Variants in DLG5 observed in about 807,000 individuals in gnomAD.
DLG5 encodes the protein disks large homolog 5.
In DLG5, 48 loss-of-function variants were observed where a neutral mutation model predicts 189.8. The observed-to-expected ratio is 0.25, with a 90% confidence interval of 0.20 to 0.32. The LOEUF (loss-of-function observed/expected upper bound fraction) is 0.32, where lower values mean the gene tolerates loss of function less well. DLG5 is among the 10% of genes least tolerant of loss of function. DLG5 has a pLI of 1.00. For missense variants in DLG5, 2,160 were observed against 2,544.7 expected, an observed-to-expected ratio of 0.85 and a Z score of 3.25; for synonymous variants, 1,016 against 1,054.1, an observed-to-expected ratio of 0.96 and a Z score of 0.70.
Position 77,842,044 on chromosome 10 carries a change from C to T in DLG5, c.1274G>A (p.Arg425Gln), listed in dbSNP as rs752348250. 2 of 1,614,100 alleles carry T rather than the reference C, an allele frequency of 1.2e-6. No individual in the cohort carries two copies. The highest frequency in any genetic ancestry group is 1.7e-6 in the Non-Finnish European group (2 of 1,180,054). Residue 425 changes from arginine to glutamine, a missense_variant, in exon 7 of 32, where the codon CGG (arginine) becomes CAG (glutamine). Physicochemically the swap from Arg to Gln is conservative, Grantham distance 43. This residue lies in a region of DLG5 where 664 missense variants were observed against 838.5 expected (regional missense o/e 0.79). Coordinates refer to ENST00000372391, the MANE Select transcript of DLG5 (RefSeq NM_004747.4). ...AKESEKYREE[R>Q]DAVYSEYKLI... ...CTTGTACTCGCTGTACACAGCGTCC[C>T]GCTCCTCCCTGTATTTCTCCGACTC...
In DLG5 at chr10:77,794,860, G is replaced by T. The variant is rs748596976; in HGVS notation, c.5535C>A (p.Ala1845=). The T allele has an allele frequency of 2.5e-6, 4 of 1,613,970 alleles. No homozygotes were observed. The East Asian group carries it at 8.9e-5, about 36-fold the overall frequency. Residue 1845 remains alanine (A), a synonymous_variant, in exon 30 of 32, where the codon GCC becomes GCA. Coordinates refer to ENST00000372391, the MANE Select transcript of DLG5 (RefSeq NM_004747.4). ...PIVIFIHYKS[A]KHIKEQRDPI... ...GGCCAGTTACCTACTTGATGTGCTT[G>T]GCGCTCTTGTAGTGGATGAAGATGA...
Position 77,821,922 on chromosome 10 carries a change from G to A in DLG5, c.2562C>T (p.Asp854=). 1.9e-6 allele frequency: 3 copies of A among 1,614,236 alleles called. No individual in the cohort carries two copies. Among genetic ancestry groups the A allele is most frequent in the Non-Finnish European group, 2.5e-6 (3 of 1,180,040 alleles). The change falls in exon 15 of 32, where the codon GAC becomes GAT. Residue 854 remains aspartate (D), a synonymous_variant. Coordinates refer to ENST00000372391, the MANE Select transcript of DLG5 (RefSeq NM_004747.4). ...TDIFYTDRLE[D]RKEPGPPGGS... is the part of the protein sequence containing the mutation. ...CTCCTGGGGGGCCTGGCTCCTTCCT[G>A]TCTTCCAGCCTGTCCGTGTAGAAGA...
intron 1 of DLG5, among the ~76,000 whole-genome samples, chr10:77,904,172 A>T (rs1445137292): frequency 6.6e-6 from 1 of 152,220 alleles, no homozygotes; most frequent in African/African-American, 2.4e-5. Context: ...AGCCTGGGCA[A>T]CATGGCAAAA....
At chr10:77,868,833 G>A (rs1844790311) in intron 2 of DLG5, 1 of 446,658 alleles carries the variant, frequency 2.2e-6, no homozygotes, top group Admixed American at 4.1e-5. Flanking sequence ...TTACTACAAG[G>A]CCTTTGGGGT....
chr10:77,830,746 C>T lies in DLG5; in HGVS notation c.1876G>A (p.Glu626Lys). The T allele has an allele frequency of 6.2e-7, 1 of 1,614,160 alleles. No homozygotes were observed. Among genetic ancestry groups the T allele is most frequent in the Non-Finnish European group, 8.5e-7 (1 of 1,179,974 alleles). ...WETEVVEFERETEDIDLKALG... is the reference protein window; with the variant it reads ...WETEVVEFERKTEDIDLKALG... ...AACCATCAGAGGCAGCTTACCGTCT[C>T]CCTCTCGAACTCTACAACTTCCGTT... The change falls in exon 10 of 32, where the codon GAG becomes AAG. Residue 626 changes from glutamate to lysine, a missense_variant. Physicochemically the swap from Glu to Lys is moderately conservative, Grantham distance 56. This residue lies in a region of DLG5 where 664 missense variants were observed against 838.5 expected (regional missense o/e 0.79). Transcript: ENST00000372391.
chr10:77,819,261 C>T, intron 17 of DLG5, 60 bp downstream of exon 17: 2 of 1,611,264 alleles, frequency 1.2e-6, no homozygotes, highest in Non-Finnish European at 1.7e-6. Context: ...ACTCATGGTT[C>T]CATGTCCAGG....
chr10:77,855,636 A>G (rs530893995), intron 3 of DLG5, among the ~76,000 whole-genome samples: 1 of 152,222 alleles, frequency 6.6e-6, no homozygotes, highest in Non-Finnish European at 1.5e-5. Flanking sequence ...GCCAACTCTC[A>G]TGTGCTAGCA....
At chr10:77,805,553 C>T (rs1301811291) in intron 27 of DLG5, 112 bp downstream of exon 27, 12 of 1,255,296 alleles carry the variant, frequency 9.6e-6, no homozygotes, top group East Asian at 4.8e-5. Context: ...TTCAGACTTG[C>T]GCACAAAAGC....
In DLG5 at chr10:77,918,846, G is replaced by A. The variant is rs901844352; in HGVS notation, c.304+7371C>T. Among the ~76,000 whole-genome samples, 4 of 152,140 alleles carry A rather than the reference G, an allele frequency of 2.6e-5. No individual in the cohort carries two copies. In the East Asian group the frequency reaches 7.7e-4, roughly 29 times the overall value. ...CCTCTGTGGCTCACATCTTCCCAGG[G>A]TTTCAGGAAACGACTATAGAGCCCC... On this transcript the variant is annotated intron_variant, in intron 1 of 31. Coordinates refer to ENST00000372391, the MANE Select transcript of DLG5 (RefSeq NM_004747.4).
At chr10:77,863,495 C>T (rs924323109) in intron 2 of DLG5, among the ~76,000 whole-genome samples, 4 of 152,194 alleles carry the variant, frequency 2.6e-5, no homozygotes, top group Non-Finnish European at 4.4e-5. Flanking sequence ...ACCTCCTCTG[C>T]TGTCACTGTG....
At chr10:77,872,494 C>A (rs1844939296) in intron 1 of DLG5, among the ~76,000 whole-genome samples, 1 of 152,230 alleles carries the variant, frequency 6.6e-6, no homozygotes, top group Non-Finnish European at 1.5e-5. Flanking sequence ...CACCCCCAAC[C>A]CAGGGAGCTG....
At chr10:77,861,700 T>C (rs746743810) in intron 2 of DLG5, among the ~76,000 whole-genome samples, 1 of 152,200 alleles carries the variant, frequency 6.6e-6, no homozygotes, top group Non-Finnish European at 1.5e-5. Flanking sequence ...GGATTGCTCC[T>C]TGAGAAACAC....
In DLG5 at chr10:77,871,119, C is replaced by G. The variant is rs558726568; in HGVS notation, c.305-1922G>C. Among the ~76,000 whole-genome samples the G allele has an allele frequency of 1.2e-4, 19 of 152,296 alleles. No homozygotes were observed. In the South Asian group the frequency reaches 1.5e-3, roughly 12 times the overall value. ...GTTGAGCATGGGCTGAAGAGAATGA[C>G]TGGGGAATGGGTAGGTGTCTTGTCT... On this transcript the variant is annotated intron_variant, in intron 1 of 31. Transcript: ENST00000372391.
Position 77,926,335 on chromosome 10 carries a change from G to C in DLG5, c.186C>G (p.Ala62=). The C allele has an allele frequency of 2.5e-6, 4 of 1,604,486 alleles. No homozygotes were observed. The highest frequency in any genetic ancestry group is 3.4e-6 in the Non-Finnish European group (4 of 1,176,718). ...GGTCCTGGAAGTGGTCCCGCTCCTTGGCCAAGAGCAGCTTGAGCAGCAGCT... is the reference window on the plus strand; with the variant it reads ...GGTCCTGGAAGTGGTCCCGCTCCTTCGCCAAGAGCAGCTTGAGCAGCAGCT... ...KAELLLKLLL[A]KERDHFQDLR... Residue 62 remains alanine (A), a synonymous_variant, in exon 1 of 32, where the codon GCC becomes GCG. Transcript: ENST00000372391. The surrounding 1 kb of genome is among the most constrained non-coding windows in gnomAD (Gnocchi z 5.2).
At chr10:77,867,877 G>A (rs142322307) in intron 2 of DLG5, 17 of 452,986 alleles carry the variant, frequency 3.8e-5, no homozygotes, top group Admixed American at 1.9e-4. Context: ...TCTTGCTGCC[G>A]TAAGGCAGGC....
intron 13 of DLG5, among the ~76,000 whole-genome samples, chr10:77,827,082 T>C (rs1347610253): frequency 6.6e-6 from 1 of 152,180 alleles, no homozygotes; most frequent in African/African-American, 2.4e-5. Context: ...CATAATATAA[T>C]AAATTGTTAA....
chr10:77,935,687 T>C, the DLG5 span, among the ~76,000 whole-genome samples: 1 of 152,210 alleles, frequency 6.6e-6, no homozygotes, highest in Non-Finnish European at 1.5e-5. Context: ...GTCCATGCAC[T>C]CACATTGACA....
chr10:77,921,766 A>G (rs1291099388), intron 1 of DLG5, among the ~76,000 whole-genome samples: 1 of 152,210 alleles, frequency 6.6e-6, no homozygotes, highest in Non-Finnish European at 1.5e-5. Context: ...TGCTGGCTCC[A>G]TTCTCTTAAG....
rs1844258655 is a variant in DLG5, at chr10:77,856,853, G to A, written c.413C>T (p.Thr138Ile). Residue 138 changes from threonine (T) to isoleucine (I), a missense_variant, in exon 3 of 32, where the codon ACT (threonine) becomes ATT (isoleucine). By Grantham distance (89) the Thr-to-Ile change is moderately conservative. Coordinates refer to ENST00000372391, the MANE Select transcript of DLG5 (RefSeq NM_004747.4). ...CACCTTCTCATTCACTTGCTGGTCA[G>A]TGAGGAGGGGTGGTGGGGACGGCGC... Reference protein sequence around the residue: ...GKAPSPPPLLTDQQVNEKVEN... With the variant: ...GKAPSPPPLLIDQQVNEKVEN... The A allele has an allele frequency of 6.2e-7, 1 of 1,612,488 alleles. No individual in the cohort carries two copies. The highest frequency in any genetic ancestry group is 8.5e-7 in the Non-Finnish European group (1 of 1,179,928).
Sources: gnomAD v4.1 joint callset for allele counts (sites outside exome capture counted in the v4.1 genomes callset) on GRCh38, gnomAD v4.1.1 for gene constraint, gnomAD v4.1.1 regional missense constraint, Gnocchi (gnomAD v3.1) non-coding constraint, MANE v1.5 for transcripts, NCBI Gene and HGNC (gene_info 2026-07-23, HGNC 2026-07-21) for gene names.